The following ZNF254 variants were observed in gnomAD, a reference collection of about 807,000 sequenced individuals.
The protein encoded by ZNF254 is CTD-2017D11.1.
A neutral mutation model predicts 12.4 loss-of-function variants in ZNF254; 10 were observed. The observed-to-expected ratio is 0.80, with a 90% CI of 0.50 to 1.36. ZNF254 has a LOEUF of 1.36. ZNF254 is among the 40% of genes most tolerant of loss of function. ZNF254 has a pLI of 0.00. For missense variants in ZNF254, 996 were observed against 763.9 expected (o/e 1.30, Z -3.58); for synonymous variants, 305 against 253.4 (o/e 1.20, Z -1.93).
chr19:24,088,964 C>CTTTTTT lies in ZNF254; in HGVS notation c.30+1651_30+1656dup, dbSNP rs74175785. Among the ~76,000 whole-genome samples the CTTTTTT allele has an allele frequency of 1.6e-4, 16 of 99,292 alleles. 2 individuals carry two copies. Among genetic ancestry groups the CTTTTTT allele is most frequent in the African/African-American group, 7.5e-4 (14 of 18,690 alleles). The allele number at this position is 99,292 out of a possible 152,430, so 65.1% of individuals were successfully genotyped here. On this transcript the variant is annotated intron_variant, in intron 1 of 3. Transcript: ENST00000357002. ...GAGCCATCTCGCCTGGCCAATTAAT[C>CTTTTTT]TTTTTTTTTTTTTTTTTTTTTTTTT...
chr19:24,044,237 TAAA>T (rs369998937), intron 1 of ZNF254, among the ~76,000 whole-genome samples: 2 of 133,868 alleles, frequency 1.5e-5, no homozygotes, highest in Non-Finnish European at 3.2e-5. Context: ...AGACTCCGTT[TAAA>T]AAAAAAAAAA....
upstream of ZNF254, among the ~76,000 whole-genome samples, chr19:24,084,162 A>G (rs1264175993): frequency 1.4e-5 from 2 of 147,816 alleles, no homozygotes; most frequent in Non-Finnish European, 3.0e-5. Context: ...TATATAATAT[A>G]TATAAATAAT....
chr19:24,103,570 C>T (rs1413626331), intron 1 of ZNF254, among the ~76,000 whole-genome samples: 1 of 152,122 alleles, frequency 6.6e-6, no homozygotes, highest in East Asian at 1.9e-4. Flanking sequence ...TTAAGTGCCT[C>T]ATGTGACTCT....
At chr19:24,124,286 A>T (rs1237899643) in intron 3 of ZNF254, among the ~76,000 whole-genome samples, 1 of 152,024 alleles carries the variant, frequency 6.6e-6, no homozygotes, top group Non-Finnish European at 1.5e-5. Flanking sequence ...TGTTAATTAT[A>T]TCTTTTTATA....
chr19:24,098,759 T>C (rs2145739546), intron 1 of ZNF254: 1 of 152,312 alleles, frequency 6.6e-6, no homozygotes, highest in African/African-American at 2.4e-5. Flanking sequence ...ATATCTGTTT[T>C]AGAAGCCCTA....
chr19:24,084,876 C>G (rs143384310), upstream of ZNF254, among the ~76,000 whole-genome samples: 168 of 150,406 alleles, frequency 1.1e-3, no homozygotes, highest in African/African-American at 3.9e-3. Flanking sequence ...GTCTTCATTT[C>G]TTGGCCTCCC....
At chr19:24,047,980 C>T (rs570811193) in intron 2 of ZNF254, among the ~76,000 whole-genome samples, 1 of 139,366 alleles carries the variant, frequency 7.2e-6, no homozygotes, top group East Asian at 2.0e-4. Flanking sequence ...AGCCACTGCA[C>T]CCGGCTCTTT....
At chr19:24,086,169 T>C (rs1009000168), upstream of ZNF254, among the ~76,000 whole-genome samples, 2 of 152,072 alleles carry the variant, frequency 1.3e-5, no homozygotes, top group Admixed American at 1.3e-4. Context: ...ATGGCGCCAC[T>C]GTACTCCAGC....
intron 2 of ZNF254, among the ~76,000 whole-genome samples, chr19:24,058,570 G>A (rs1970951599): frequency 6.6e-6 from 1 of 151,968 alleles, no homozygotes; most frequent in East Asian, 1.9e-4. Flanking sequence ...ACCACGCCTG[G>A]CTAATTTTTG....
At chr19:24,098,385 A>G (rs928550748) in intron 1 of ZNF254, 2 of 152,236 alleles carry the variant, frequency 1.3e-5, no homozygotes, top group Non-Finnish European at 2.9e-5. Context: ...AGGCTCGCAT[A>G]TATTCCATTA....
intron 2 of ZNF254, among the ~76,000 whole-genome samples, chr19:24,049,214 A>ATATTTT (rs1160333151): frequency 7.8e-4 from 32 of 40,860 alleles, no homozygotes; most frequent in Admixed American, 3.4e-3. Flanking sequence ...ATATATATAT[A>ATATTTT]TTTTTTTTTT....
chr19:24,113,715 T>G (rs372486351), intron 3 of ZNF254, among the ~76,000 whole-genome samples: 2 of 152,080 alleles, frequency 1.3e-5, no homozygotes, highest in African/African-American at 2.4e-5. Context: ...AAATAAAGGG[T>G]ATTCAATTAG....
chr19:24,062,136 C>G (rs1599621428), intron 2 of ZNF254, among the ~76,000 whole-genome samples: 1 of 150,812 alleles, frequency 6.6e-6, no homozygotes, highest in African/African-American at 2.4e-5. Context: ...CTGGTGGTCT[C>G]TCTGTATGAA....
At position 24,128,038 on chromosome 19, in the gene ZNF254, A is replaced by G. The variant is rs1019167564; in HGVS notation, c.*58A>G. ...TCTTAATAGATATAAGATTATTCCT[A>G]CTGGAGAGAAACTACAAACCTGAGA... is the stretch of plus-strand genomic sequence containing the variant. On this transcript the variant is annotated 3_prime_UTR_variant, in exon 4 of 4. Transcript: ENST00000357002. 1 of 1,450,588 alleles carries G rather than the reference A, an allele frequency of 6.9e-7. No individual in the cohort carries two copies. The highest frequency in any genetic ancestry group is 9.1e-7 in the Non-Finnish European group (1 of 1,103,568). The allele number at this position is 1,450,588 out of a possible 1,614,324, so 89.9% of individuals were successfully genotyped here. A position where few individuals can be genotyped will look rare whatever the true frequency, so the allele number is the denominator to read the frequency against.
intron 1 of ZNF254, among the ~76,000 whole-genome samples, chr19:24,034,785 CTTT>C (rs57891281): frequency 9.2e-5 from 13 of 141,596 alleles, no homozygotes; most frequent in African/African-American, 1.0e-4. Flanking sequence ...CAAGAAGTTA[CTTT>C]TTTTTTTTTT....
intron 3 of ZNF254, among the ~76,000 whole-genome samples, chr19:24,125,087 G>A (rs1359990425): frequency 6.6e-6 from 1 of 152,036 alleles, no homozygotes; most frequent in East Asian, 1.9e-4. Flanking sequence ...GCCTGACCTG[G>A]CACATCAGTT....
rs1389551375 is a variant in ZNF254, at chr19:24,128,503, T to A, written c.*523T>A. 1 of 152,166 alleles carries A rather than the reference T, an allele frequency of 6.6e-6. No homozygotes were observed. The highest frequency in any genetic ancestry group is 2.4e-5 in the African/African-American group (1 of 41,444). The allele number at this position is 152,166 out of a possible 1,614,324, so 9.4% of individuals were successfully genotyped here. ...ATCTTTACTTGTACCACAGATCTTA[T>A]TGTACACATTTTATACTAGAGAAAA... On this transcript the variant is annotated 3_prime_UTR_variant, in exon 4 of 4. Transcript: ENST00000357002.
intron 1 of ZNF254, among the ~76,000 whole-genome samples, chr19:24,088,440 T>A (rs1972163454): frequency 6.6e-6 from 1 of 151,912 alleles, no homozygotes; most frequent in Non-Finnish European, 1.5e-5. Flanking sequence ...GGGACTGCTT[T>A]TTTCCTGAAA....
intron 3 of ZNF254, among the ~76,000 whole-genome samples, chr19:24,117,906 G>C (rs950390618): frequency 6.6e-6 from 1 of 151,736 alleles, no homozygotes. Flanking sequence ...AAGGTCTTTT[G>C]TTGCATATTT....
Sources: gnomAD v4.1 joint callset for allele counts (sites outside exome capture counted in the v4.1 genomes callset) on GRCh38, gnomAD v4.1.1 for gene constraint, MANE v1.5 for transcripts, NCBI Gene and HGNC (gene_info 2026-07-23, HGNC 2026-07-21) for gene names.